Variants in CNBD1 observed in about 807,000 individuals in gnomAD.
CNBD1 encodes the protein cyclic nucleotide binding domain containing 1.
In CNBD1, 71 loss-of-function variants were observed where a neutral mutation model predicts 54.4. That is an observed-to-expected ratio of 1.30 (90% CI 1.08 to 1.59). The LOEUF is 1.59. CNBD1 is among the 40% of genes most tolerant of loss of function. CNBD1 has a pLI of 0.00. For missense variants in CNBD1, 659 were observed against 518.0 expected (o/e 1.27, Z -2.64); for synonymous variants, 182 against 170.7 (o/e 1.07, Z -0.51).
chr8:87,091,348 C>T (rs547292353), intron 4 of CNBD1, among the ~76,000 whole-genome samples: 64 of 152,096 alleles, frequency 4.2e-4, no homozygotes, highest in Non-Finnish European at 8.2e-4. Context: ...AGTTTCATCT[C>T]CCTTTTAAGA....
chr8:86,979,176 A>T (rs951316785), intron 4 of CNBD1, among the ~76,000 whole-genome samples: 1 of 152,000 alleles, frequency 6.6e-6, no homozygotes, highest in Non-Finnish European at 1.5e-5. Flanking sequence ...TTTTCTTATT[A>T]GTCACTGAAG....
chr8:87,384,327 A>G (rs1434934462), downstream of CNBD1, among the ~76,000 whole-genome samples: 1 of 152,128 alleles, frequency 6.6e-6, no homozygotes, highest in Non-Finnish European at 1.5e-5. Context: ...AATACTGAAC[A>G]TAACCAAATT....
chr8:87,029,925 G>GT (rs1809744807), intron 4 of CNBD1, among the ~76,000 whole-genome samples: 1 of 152,210 alleles, frequency 6.6e-6, no homozygotes, highest in African/African-American at 2.4e-5. Flanking sequence ...GCACATATAC[G>GT]TGTGTTCAGC....
intron 4 of CNBD1, among the ~76,000 whole-genome samples, chr8:86,975,349 C>T (rs188851069): frequency 6.6e-6 from 1 of 152,004 alleles, no homozygotes; most frequent in East Asian, 1.9e-4. Flanking sequence ...AAATTTTGTA[C>T]CCTTTGATCA....
At chr8:87,352,126 C>G (rs144718834) in intron 9 of CNBD1, among the ~76,000 whole-genome samples, 1 of 152,042 alleles carries the variant, frequency 6.6e-6, no homozygotes, top group African/African-American at 2.4e-5. Flanking sequence ...ATCATTTGAC[C>G]TAATTCCACT....
chr8:87,069,312 T>C (rs58602770), intron 4 of CNBD1, among the ~76,000 whole-genome samples: 32,745 of 152,012 alleles, frequency 0.22, 4,040 homozygotes, highest in Non-Finnish European at 0.29. Context: ...GATATAGTCA[T>C]GGCTACATAA....
intron 4 of CNBD1, among the ~76,000 whole-genome samples, chr8:86,974,303 G>A (rs1214493817): frequency 6.6e-6 from 1 of 151,922 alleles, no homozygotes; most frequent in African/African-American, 2.4e-5. Context: ...TGCTAATTTT[G>A]GGAGTATAAA....
intron 8 of CNBD1, among the ~76,000 whole-genome samples, chr8:87,303,749 C>T: frequency 7.1e-6 from 1 of 140,460 alleles, no homozygotes; most frequent in African/African-American, 2.7e-5. Context: ...TGACAAAGAG[C>T]TAATATCCAG....
At chr8:86,978,869 C>T (rs1808404941) in intron 4 of CNBD1, among the ~76,000 whole-genome samples, 1 of 152,008 alleles carries the variant, frequency 6.6e-6, no homozygotes, top group East Asian at 1.9e-4. Context: ...GATTATAACA[C>T]TCAATGTAGC....
At chr8:87,095,591 C>T (rs749447284) in intron 4 of CNBD1, among the ~76,000 whole-genome samples, 15 of 152,194 alleles carry the variant, frequency 9.9e-5, no homozygotes, top group Non-Finnish European at 1.3e-4. Flanking sequence ...GCATCTTATT[C>T]ACTGAGCAAC....
At position 86,945,548 on chromosome 8, in the gene CNBD1, A is replaced by G. The variant is rs1488738209; in HGVS notation, c.431+5794A>G. Among the ~76,000 whole-genome samples the G allele has an allele frequency of 3.3e-5, 5 of 152,214 alleles. 1 individual carries two copies. Among genetic ancestry groups the G allele is most frequent in the Admixed American group, 1.3e-4 (2 of 15,268 alleles). On this transcript the variant is annotated intron_variant, in intron 4 of 10. Coordinates refer to ENST00000518476, the MANE Select transcript of CNBD1 (RefSeq NM_173538.3). ...ATATTTAAGGGCTGCATGCTGATCA[A>G]AGAAAAACACTTTGTGGGGCTATTA...
chr8:87,379,814 TGAAGTA>T (rs1303544175), intron 10 of CNBD1, among the ~76,000 whole-genome samples: 1 of 151,910 alleles, frequency 6.6e-6, no homozygotes, highest in Non-Finnish European at 1.5e-5. Flanking sequence ...ATAAGGAAGT[TGAAGTA>T]GAATTATAAA....
At chr8:87,389,021 G>T (rs1017476406) in intron 2 of CNBD1, among the ~76,000 whole-genome samples, 3 of 152,132 alleles carry the variant, frequency 2.0e-5, no homozygotes, top group Non-Finnish European at 4.4e-5. Flanking sequence ...CTCAATAGAT[G>T]CAGAAAAGGC....
chr8:86,926,245 A>G (rs1027224916), intron 3 of CNBD1, among the ~76,000 whole-genome samples: 1 of 152,110 alleles, frequency 6.6e-6, no homozygotes, highest in South Asian at 2.1e-4. Flanking sequence ...GAACTGGGCA[A>G]TGACTGCTCT....
intron 2 of CNBD1, among the ~76,000 whole-genome samples, chr8:87,390,149 G>A (rs58524057): frequency 0.072 from 10,928 of 150,930 alleles, 1,371 homozygotes; most frequent in African/African-American, 0.25. Context: ...AAAACCCTAG[G>A]AGAAAACCTA....
intron 4 of CNBD1, among the ~76,000 whole-genome samples, chr8:87,174,286 C>T (rs1272478172): frequency 6.6e-6 from 1 of 151,922 alleles, no homozygotes; most frequent in African/African-American, 2.4e-5. Context: ...CTTTTGTCTT[C>T]TCTGTGTATT....
chr8:87,282,988 G>A (rs181105085), intron 6 of CNBD1, among the ~76,000 whole-genome samples: 1 of 152,008 alleles, frequency 6.6e-6, no homozygotes, highest in Non-Finnish European at 1.5e-5. Context: ...AAAACTTGCA[G>A]CCATTATCAC....
intron 4 of CNBD1, among the ~76,000 whole-genome samples, chr8:87,067,746 T>C (rs958064315): frequency 2.0e-5 from 3 of 151,980 alleles, no homozygotes; most frequent in Admixed American, 2.0e-4. Flanking sequence ...ACTTATAATC[T>C]TGTATTTTTA....
At chr8:87,379,138 C>A (rs1175867125) in intron 10 of CNBD1, among the ~76,000 whole-genome samples, 2 of 151,708 alleles carry the variant, frequency 1.3e-5, no homozygotes, top group Non-Finnish European at 2.9e-5. Context: ...TAATTGAATA[C>A]CCTTTATTTC....
Sources: allele counts gnomAD v4.1 joint callset (sites outside exome capture counted in the v4.1 genomes callset), GRCh38; gene constraint gnomAD v4.1.1; transcripts MANE v1.5; gene names NCBI Gene and HGNC (gene_info 2026-07-23, HGNC 2026-07-21).